The following AP5Z1 variants were observed in gnomAD, a reference collection of about 807,000 sequenced individuals.
AP5Z1 encodes adaptor related protein complex 5 subunit zeta 1, also known as AP-5 complex subunit zeta-1.
A neutral mutation model predicts 83.0 loss-of-function variants in AP5Z1; 106 were observed. The ratio of observed to expected loss-of-function variants is 1.28; its 90% CI spans 1.09 to 1.50. The LOEUF (loss-of-function observed/expected upper bound fraction) is 1.50. Ranked by LOEUF, AP5Z1 falls within the 40% of genes most tolerant of loss-of-function variation. The pLI is 0.00. For missense variants in AP5Z1, 1,565 were observed against 1,094.2 expected, an observed-to-expected ratio of 1.43 and a Z score of -6.07; for synonymous variants, 751 against 514.1, an observed-to-expected ratio of 1.46 and a Z score of -6.23.
At position 4,792,350 on chromosome 7, in the gene AP5Z1, C is replaced by G. The variant is rs1337568762; in HGVS notation, c.*965C>G. 11 of 151,526 alleles carry G rather than the reference C, an allele frequency of 7.3e-5. No individual in the cohort carries two copies. The highest frequency in any genetic ancestry group is 6.6e-5 in the Admixed American group (1 of 15,222). The allele number at this position is 151,526 out of a possible 1,614,324, so 9.4% of individuals were successfully genotyped here. On this transcript the variant is annotated 3_prime_UTR_variant, in exon 17 of 17. Transcript: ENST00000649063. Reference sequence around the variant, plus strand: ...TCCGCCCCCGGTCTCCTCTTTTGCTCTGGCCCCGCCCACCTCCCCTCCGGC... The same window carrying G: ...TCCGCCCCCGGTCTCCTCTTTTGCTGTGGCCCCGCCCACCTCCCCTCCGGC...
At chr7:4,789,395 C>A (rs1255360821) in intron 13 of AP5Z1, among the ~76,000 whole-genome samples, 1 of 152,172 alleles carries the variant, frequency 6.6e-6, no homozygotes, top group Non-Finnish European at 1.5e-5. Flanking sequence ...TTCAGCATCC[C>A]CATCTGAGGC....
At position 4,790,840 on chromosome 7, in the gene AP5Z1, G is replaced by C. The variant is rs951005155; in HGVS notation, c.2106G>C (p.Met702Ile). ...CCCCCCAGGTGGTCACCGTGCTGAT[G>C]ACCACGCTGACGAAGCTGGCCTCCC... is the stretch of plus-strand genomic sequence containing the variant. ...RCPPQVVTVL[M>I]TTLTKLASRS... Residue 702 changes from methionine (M) to isoleucine (I), a missense_variant, in exon 16 of 17, where the codon ATG (methionine) becomes ATC (isoleucine). Physicochemically the swap from Met to Ile is conservative, Grantham distance 10 (BLOSUM62 1). Transcript: ENST00000649063. The C allele has an allele frequency of 1.2e-6, 2 of 1,609,044 alleles. No homozygotes were observed. The highest frequency in any genetic ancestry group is 4.5e-5 in the East Asian group (2 of 44,788).
chr7:4,780,799 G>A lies in AP5Z1; in HGVS notation c.42-376G>A, dbSNP rs564680512. ...AAAAAATTTATTCTTGTTTCCATAA[G>A]CAAAAGGCTCATTGAAGACATCTTT... On this transcript the variant is annotated intron_variant, in intron 1 of 16. Coordinates refer to ENST00000649063, the MANE Select transcript of AP5Z1 (RefSeq NM_014855.3). 2.6e-5 allele frequency among the ~76,000 whole-genome samples: 4 copies of A among 152,212 alleles called. No individual in the cohort carries two copies. In the East Asian group the frequency reaches 7.7e-4, roughly 29 times the overall value.
intron 1 of AP5Z1, among the ~76,000 whole-genome samples, chr7:4,778,420 C>T (rs1013902607): frequency 1.3e-5 from 2 of 152,068 alleles, no homozygotes; most frequent in East Asian, 3.9e-4. Context: ...GAGGAAGAGC[C>T]TCAGCCCACT....
At chr7:4,790,084 A>C (rs1781707077) in intron 14 of AP5Z1, 155 bp downstream of exon 14, 10 of 1,231,836 alleles carry the variant, frequency 8.1e-6, no homozygotes, top group East Asian at 5.3e-5. Flanking sequence ...ACAGCCCCAC[A>C]CCCAGCCCCA....
At chr7:4,775,890 G>T (rs960330519) in intron 1 of AP5Z1, 134 bp downstream of exon 1, 1 of 1,326,838 alleles carries the variant, frequency 7.5e-7, no homozygotes, top group Non-Finnish European at 1.0e-6. Context: ...GAGACTTGGG[G>T]ATCGGGTAAG....
At chr7:4,789,966 G>C (rs768190765) in intron 14 of AP5Z1, 37 bp downstream of exon 14, 2 of 1,477,840 alleles carry the variant, frequency 1.4e-6, no homozygotes, top group Non-Finnish European at 9.1e-7. Flanking sequence ...AGCCCTGGGC[G>C]GGTGCCTCCT....
intron 13 of AP5Z1, among the ~76,000 whole-genome samples, 188 bp from the exon 14 acceptor site, chr7:4,789,644 C>G (rs1781683656): frequency 6.6e-6 from 1 of 152,230 alleles, no homozygotes; most frequent in African/African-American, 2.4e-5. Context: ...TTGGGCCAGC[C>G]CAGGGCTTCC....
Position 4,786,367 on chromosome 7 carries a change from A to G in AP5Z1, c.1250A>G (p.Asn417Ser), listed in dbSNP as rs769600993. ...GAATTCATCCAGTTCTGCAGGGACAACCTCCACCTGTTCAGCGGGCACCTC... is the reference window on the plus strand; with the variant it reads ...GAATTCATCCAGTTCTGCAGGGACAGCCTCCACCTGTTCAGCGGGCACCTC... ...AFEFIQFCRD[N>S]LHLFSGHLST... Residue 417 changes from asparagine (N) to serine (S), a missense_variant, in exon 10 of 17, where the codon AAC (asparagine) becomes AGC (serine). Coordinates refer to ENST00000649063, the MANE Select transcript of AP5Z1 (RefSeq NM_014855.3). The G allele has an allele frequency of 2.5e-6, 4 of 1,613,574 alleles. No homozygotes were observed. Among genetic ancestry groups the G allele is most frequent in the Non-Finnish European group, 1.7e-6 (2 of 1,179,792 alleles).
chr7:4,794,269 G>T lies in AP5Z1; in HGVS notation c.*2884G>T, dbSNP rs184051349. The T allele has an allele frequency of 3.3e-5, 5 of 152,376 alleles. No individual in the cohort carries two copies. The highest frequency in any genetic ancestry group is 9.6e-5 in the African/African-American group (4 of 41,576). The allele number at this position is 152,376 out of a possible 1,614,324, so 9.4% of individuals were successfully genotyped here. On this transcript the variant is annotated 3_prime_UTR_variant, in exon 17 of 17. Transcript: ENST00000649063. ...ACCACTCGGCTCTACCAGTCAGCAG[G>T]ATGTGGGTGGGGCCAGATGAGAATA...
At chr7:4,789,057 C>T (rs936064063) in intron 13 of AP5Z1, 106 bp downstream of exon 13, 20 of 959,842 alleles carry the variant, frequency 2.1e-5, no homozygotes, top group African/African-American at 1.6e-4. Flanking sequence ...AGGCTGCTCC[C>T]GCCACACCCA....
At position 4,781,625 on chromosome 7, in the gene AP5Z1, C is replaced by T. The variant is rs777989548; in HGVS notation, c.237C>T (p.Pro79=). Residue 79 remains proline (P), a synonymous_variant, in exon 3 of 17, where the codon CCC becomes CCT. Transcript: ENST00000649063. ...CCACCCTCGGCCTGCCTGCATGCCC[C>T]GAGCAGCTCCAGGTGCTTTGCGCCG... ...LQATLGLPAC[P]EQLQVLCAAI... is the part of the protein sequence containing the mutation. 1.4e-5 allele frequency: 22 copies of T among 1,609,582 alleles called. No individual in the cohort carries two copies. Among genetic ancestry groups the T allele is most frequent in the African/African-American group, 6.7e-5 (5 of 74,872 alleles).
chr7:4,786,360 A>G lies in AP5Z1; in HGVS notation c.1243A>G (p.Arg415Gly). ...GGCCTTTGAATTCATCCAGTTCTGCAGGGACAACCTCCACCTGTTCAGCGG... is the reference window on the plus strand; with the variant it reads ...GGCCTTTGAATTCATCCAGTTCTGCGGGGACAACCTCCACCTGTTCAGCGG... ...MLAFEFIQFCRDNLHLFSGHL... is the reference protein window; with the variant it reads ...MLAFEFIQFCGDNLHLFSGHL... The change falls in exon 10 of 17, where the codon AGG (arginine) becomes GGG (glycine). Residue 415 changes from arginine to glycine, a missense_variant. Arg to Gly is a moderately radical substitution (Grantham distance 125). Transcript: ENST00000649063. 1 of 1,613,924 alleles carries G rather than the reference A, an allele frequency of 6.2e-7. No individual in the cohort carries two copies. Among genetic ancestry groups the G allele is most frequent in the Non-Finnish European group, 8.5e-7 (1 of 1,179,852 alleles).
At chr7:4,779,827 A>T (rs1781332894) in intron 1 of AP5Z1, among the ~76,000 whole-genome samples, 2 of 151,784 alleles carry the variant, frequency 1.3e-5, no homozygotes, top group Admixed American at 1.3e-4. Flanking sequence ...TATTTTTAGT[A>T]GAAACGGGGT....
At chr7:4,787,481 G>A in intron 10 of AP5Z1, 153 bp from the exon 11 acceptor site, 1 of 1,186,814 alleles carries the variant, frequency 8.4e-7, no homozygotes, top group Non-Finnish European at 1.1e-6. Flanking sequence ...GCAAGACCCT[G>A]TCTCAAAAAA....
intron 5 of AP5Z1, 50 bp downstream of exon 5, chr7:4,783,848 C>T (rs891816114): frequency 5.3e-6 from 8 of 1,513,318 alleles, no homozygotes; most frequent in African/African-American, 1.4e-5. Context: ...CACAGACAAC[C>T]CCTCCCTGAG....
At chr7:4,785,193 C>T (rs935430938) in intron 7 of AP5Z1, 145 bp downstream of exon 7, 15 of 1,374,520 alleles carry the variant, frequency 1.1e-5, no homozygotes, top group Non-Finnish European at 3.9e-6. Context: ...GGCATTTTTG[C>T]TTCTGGGGTC....
At chr7:4,784,517 A>C (rs1171561057) in intron 6 of AP5Z1, 146 bp downstream of exon 6, 2 of 1,042,100 alleles carry the variant, frequency 1.9e-6, no homozygotes, top group Non-Finnish European at 2.7e-6. Flanking sequence ...CAGCCTGCTG[A>C]CCTGGAGCTA....
intron 14 of AP5Z1, 150 bp downstream of exon 14, chr7:4,790,079 C>G: frequency 8.0e-7 from 1 of 1,257,302 alleles, no homozygotes; most frequent in Non-Finnish European, 1.1e-6. Flanking sequence ...CACCCACAGC[C>G]CCACACCCAG....
Sources: allele counts gnomAD v4.1 joint callset (sites outside exome capture counted in the v4.1 genomes callset), GRCh38; gene constraint gnomAD v4.1.1; transcripts MANE v1.5; gene names NCBI Gene and HGNC (gene_info 2026-07-23, HGNC 2026-07-21).